DPF2: variants seen among roughly 807,000 people sequenced by gnomAD.
The protein encoded by DPF2 is zinc finger protein ubi-d4.
DPF2 carries 10 observed loss-of-function variants against 59.6 expected under a neutral mutation model. The observed-to-expected ratio is 0.17, with a 90% CI of 0.10 to 0.28. The LOEUF is 0.28. Among genes scored for constraint, DPF2 ranks in the 10% least tolerant of loss-of-function variants. The probability of loss-of-function intolerance (pLI) is 1.00; values close to 1 mark genes in which losing one functional copy is unlikely to be tolerated. For synonymous variants in DPF2, 189 were observed against 190.6 expected (o/e 0.99, Z 0.07); for missense variants, 315 against 509.4 (o/e 0.62, Z 3.67).
chr11:65,339,500 G>A (rs1252294794), intron 1 of DPF2, among the ~76,000 whole-genome samples: 1 of 152,160 alleles, frequency 6.6e-6, no homozygotes, highest in Admixed American at 6.5e-5. Context: ...GAATGGAGAA[G>A]AACCCTAAGA....
At chr11:65,337,472 AAAATATATATATATATAT>A (rs1854205645) in intron 1 of DPF2, among the ~76,000 whole-genome samples, 1 of 50,724 alleles carries the variant, frequency 2.0e-5, no homozygotes, top group Non-Finnish European at 3.6e-5. Context: ...AAAAAAAAAA[AAAATATATATATATATAT>A]ATATATATAT....
At chr11:65,339,282 AG>A (rs1297028440) in intron 1 of DPF2, among the ~76,000 whole-genome samples, 3 of 151,884 alleles carry the variant, frequency 2.0e-5, no homozygotes, top group Non-Finnish European at 1.5e-5. Context: ...TATAAGATCG[AG>A]TTTGTTAACC....
At chr11:65,337,547 A>AGAGAGAGAGAG (rs1251201046) in intron 1 of DPF2, among the ~76,000 whole-genome samples, 23 of 131,584 alleles carry the variant, frequency 1.7e-4, no homozygotes, top group African/African-American at 2.3e-4. Flanking sequence ...AGAGAGAGAG[A>AGAGAGAGAGAG]ACAATGTTAA....
At chr11:65,337,344 A>T (rs1175166367) in intron 1 of DPF2, among the ~76,000 whole-genome samples, 2 of 150,232 alleles carry the variant, frequency 1.3e-5, no homozygotes, top group African/African-American at 2.4e-5. Flanking sequence ...GCCTGAGGCA[A>T]GAGAATCGTT....
chr11:65,337,512 G>T (rs867419067), intron 1 of DPF2, among the ~76,000 whole-genome samples: 257 of 109,002 alleles, frequency 2.4e-3, no homozygotes, highest in African/African-American at 4.7e-3. Context: ...TATAGAGAGA[G>T]AGAGAGAGAG....
At chr11:65,348,331 G>A (rs919120741) in intron 9 of DPF2, 1 of 153,582 alleles carries the variant, frequency 6.5e-6, no homozygotes, top group Non-Finnish European at 1.4e-5. Context: ...TGTAATCCAA[G>A]CACTTTGGGA....
intron 1 of DPF2, among the ~76,000 whole-genome samples, chr11:65,339,457 G>A (rs2137689396): frequency 6.6e-6 from 1 of 152,236 alleles, no homozygotes; most frequent in South Asian, 2.1e-4. Context: ...TTGAGACCAA[G>A]AAGATTTTTT....
At position 65,346,073 on chromosome 11, in the gene DPF2, GAAGGCTGCTGCTTTGCCCAGTCCCC is replaced by G. The variant is rs1854517956; in HGVS notation, c.904+20_904+44del. 2 of 1,613,924 alleles carry G rather than the reference GAAGGCTGCTGCTTTGCCCAGTCCCC, an allele frequency of 1.2e-6. No individual in the cohort carries two copies. Among genetic ancestry groups the G allele is most frequent in the Non-Finnish European group, 1.7e-6 (2 of 1,179,954 alleles). On this transcript the variant is annotated intron_variant, in intron 8 of 10. Coordinates refer to ENST00000528416, the MANE Select transcript of DPF2 (RefSeq NM_006268.5). ...TGGCCGCTCAGGTACTGCTTCCCGT[GAAGGCTGCTGCTTTGCCCAGTCCCC>G]AAGGGGCTCTTGGCTTGCTGGCCTC... is the stretch of plus-strand genomic sequence containing the variant.
chr11:65,337,733 G>A (rs1269872785), intron 1 of DPF2, among the ~76,000 whole-genome samples: 1 of 151,408 alleles, frequency 6.6e-6, no homozygotes, highest in Non-Finnish European at 1.5e-5. Context: ...CCGCCCCAGG[G>A]GCTACGTGGA....
chr11:65,346,695 G>T (rs1245680827), intron 9 of DPF2: 2 of 200,410 alleles, frequency 1.0e-5, no homozygotes, highest in African/African-American at 2.3e-5. Context: ...CAGTACTGTG[G>T]CAGAGAATAA....
rs1438416313 is a variant in DPF2, at chr11:65,341,537, C to T, written c.440C>T (p.Pro147Leu). 21 of 1,613,984 alleles carry T rather than the reference C, an allele frequency of 1.3e-5. No homozygotes were observed. Among genetic ancestry groups the T allele is most frequent in the African/African-American group, 2.7e-5 (2 of 74,890 alleles). Residue 147 changes from proline (P) to leucine (L), a missense_variant, in exon 4 of 11, where the codon CCT (proline) becomes CTT (leucine). Physicochemically the swap from Pro to Leu is moderately conservative, Grantham distance 98. Transcript: ENST00000528416. ...RVDDDSLGEF[P>L]VTNSRARKRI... ...GATGATGACAGCCTGGGCGAGTTTCCTGTGACCAACAGTCGAGCGCGAAAG... is the reference window on the plus strand; with the variant it reads ...GATGATGACAGCCTGGGCGAGTTTCTTGTGACCAACAGTCGAGCGCGAAAG...
At position 65,345,803 on chromosome 11, in the gene DPF2, T is replaced by A; in HGVS notation, c.775T>A (p.Ser259Thr). 1 of 1,613,746 alleles carries A rather than the reference T, an allele frequency of 6.2e-7. No homozygotes were observed. Among genetic ancestry groups the A allele is most frequent in the Non-Finnish European group, 8.5e-7 (1 of 1,179,962 alleles). The change falls in exon 7 of 11, where the codon TCC becomes ACC. Residue 259 changes from serine to threonine, a missense_variant and splice_region_variant. Coordinates refer to ENST00000528416, the MANE Select transcript of DPF2 (RefSeq NM_006268.5). ...TTCCCAGAGGTCTGAGGAGCAGAAA[T>A]GTAAGCTGAGGTGTCAGAAGTGGTG... ...PVSQRSEEQK[S>T]KKGPDGLALP...
At chr11:65,344,237 T>G (rs1425363799) in intron 6 of DPF2, 168 bp downstream of exon 6, 1 of 695,022 alleles carries the variant, frequency 1.4e-6, no homozygotes, top group Non-Finnish European at 2.5e-6. Context: ...CCTGGGTCCC[T>G]GCTATATGAC....
chr11:65,337,133 G>A (rs1854180879), intron 1 of DPF2, among the ~76,000 whole-genome samples: 1 of 151,956 alleles, frequency 6.6e-6, no homozygotes, highest in African/African-American at 2.4e-5. Flanking sequence ...AGCTGTAGCT[G>A]CTGATTGGTT....
chr11:65,337,552 T>C (rs927692664), intron 1 of DPF2, among the ~76,000 whole-genome samples: 1 of 108,644 alleles, frequency 9.2e-6, no homozygotes, highest in Non-Finnish European at 1.9e-5. Context: ...GAGAGAACAA[T>C]GTTAATGTTA....
rs775863845 is a variant in DPF2 at position 65,343,856 on chromosome 11, G to T, written c.558+19G>T. The T allele has an allele frequency of 2.3e-5, 36 of 1,582,958 alleles. No individual in the cohort carries two copies. Among genetic ancestry groups the T allele is most frequent in the Non-Finnish European group, 3.1e-5 (36 of 1,163,194 alleles). On this transcript the variant is annotated intron_variant, in intron 5 of 10. Transcript: ENST00000528416. ...ATCCAAGGTGAGGGGCCAGCGTGCT[G>T]CCTGCATCTTGGGACAGGGTGGCCT... is the stretch of plus-strand genomic sequence containing the variant.
chr11:65,333,864 C>T lies in DPF2; in HGVS notation c.-23C>T. The T allele has an allele frequency of 6.2e-7, 1 of 1,613,762 alleles. No homozygotes were observed. Among genetic ancestry groups the T allele is most frequent in the Non-Finnish European group, 8.5e-7 (1 of 1,179,902 alleles). On this transcript the variant is annotated 5_prime_UTR_variant, in exon 1 of 11. Coordinates refer to ENST00000528416, the MANE Select transcript of DPF2 (RefSeq NM_006268.5). ...CGCTGCGGACTGTGGGGCTTCTCGGCCCGAGGCAGAGGAACAGGGAAGATG... is the reference window on the plus strand; with the variant it reads ...CGCTGCGGACTGTGGGGCTTCTCGGTCCGAGGCAGAGGAACAGGGAAGATG...
chr11:65,341,690 C>A, intron 4 of DPF2, 128 bp downstream of exon 4: 6 of 1,287,296 alleles, frequency 4.7e-6, no homozygotes, highest in Non-Finnish European at 6.4e-6. Flanking sequence ...CAGTTCTGTT[C>A]TTACTTCAGT....
At chr11:65,348,808 C>T (rs376807610) in intron 9 of DPF2, 42 bp from the exon 10 acceptor site, 2 of 1,602,298 alleles carry the variant, frequency 1.2e-6, no homozygotes, top group Non-Finnish European at 1.7e-6. Context: ...TGAGGCACAT[C>T]AGTTATTCAG....
Sources: gnomAD v4.1 joint callset for allele counts (sites outside exome capture counted in the v4.1 genomes callset) on GRCh38, gnomAD v4.1.1 for gene constraint, MANE v1.5 for transcripts, NCBI Gene and HGNC (gene_info 2026-07-23, HGNC 2026-07-21) for gene names.